Variants in PRKAG2 observed in about 807,000 individuals in gnomAD.
PRKAG2 encodes the protein 5'-AMP-activated protein kinase subunit gamma-2.
PRKAG2 carries 26 observed loss-of-function variants against 69.6 expected under a neutral mutation model. That is an observed-to-expected ratio of 0.37 (90% CI 0.27 to 0.52). PRKAG2 has a LOEUF of 0.52. Ranked by LOEUF, PRKAG2 falls within the 20% of genes least tolerant of loss-of-function variation. The pLI is 0.90. For missense variants in PRKAG2, 557 were observed against 740.0 expected (o/e 0.75, Z 2.87); for synonymous variants, 293 against 285.0 (o/e 1.03, Z -0.28).
chr7:151,735,646 C>T (rs531270973), intron 3 of PRKAG2, among the ~76,000 whole-genome samples: 1 of 152,354 alleles, frequency 6.6e-6, no homozygotes, highest in East Asian at 1.9e-4. Context: ...CAATCCATCA[C>T]TAGCCTCCCT....
At chr7:151,838,326 C>T (rs1041580435) in intron 1 of PRKAG2, among the ~76,000 whole-genome samples, 1 of 152,022 alleles carries the variant, frequency 6.6e-6, no homozygotes, top group Non-Finnish European at 1.5e-5. Context: ...AGGCTCGGCC[C>T]CACAGCCTTG....
At chr7:151,797,371 C>T (rs556115741) in intron 1 of PRKAG2, among the ~76,000 whole-genome samples, 5 of 152,172 alleles carry the variant, frequency 3.3e-5, no homozygotes, top group South Asian at 4.2e-4. Flanking sequence ...TGTAAGGTCA[C>T]CGAGTTGCTG....
intron 1 of PRKAG2, among the ~76,000 whole-genome samples, chr7:151,870,152 G>GGC (rs1563769186): frequency 4.0e-4 from 48 of 120,752 alleles, no homozygotes; most frequent in African/African-American, 1.1e-3. Context: ...TAGATAGATA[G>GGC]ATAGGCAGGC....
intron 4 of PRKAG2, among the ~76,000 whole-genome samples, chr7:151,644,097 G>T (rs113492502): frequency 6.6e-6 from 1 of 152,110 alleles, no homozygotes; most frequent in African/African-American, 2.4e-5. Flanking sequence ...GCGGAAGCGG[G>T]GCAAGGGATA....
At chr7:151,561,932 T>TAA (rs59146140) in intron 14 of PRKAG2, among the ~76,000 whole-genome samples, 36 of 81,780 alleles carry the variant, frequency 4.4e-4, no homozygotes, top group East Asian at 2.9e-3. Flanking sequence ...GACTGTGTCT[T>TAA]AAAAAAAAAA....
chr7:151,561,564 C>T (rs972806776), intron 14 of PRKAG2, among the ~76,000 whole-genome samples: 4 of 152,238 alleles, frequency 2.6e-5, no homozygotes, highest in African/African-American at 7.2e-5. Flanking sequence ...TGATGAGTGA[C>T]GGCAGAGCGT....
At chr7:151,681,585 T>A (rs983592244) in intron 3 of PRKAG2, among the ~76,000 whole-genome samples, 8 of 151,644 alleles carry the variant, frequency 5.3e-5, no homozygotes, top group African/African-American at 1.9e-4. Flanking sequence ...CATCAACACT[T>A]TTTTTTTGTT....
chr7:151,757,398 C>T (rs923846827), intron 3 of PRKAG2, among the ~76,000 whole-genome samples: 1 of 152,176 alleles, frequency 6.6e-6, no homozygotes, highest in Non-Finnish European at 1.5e-5. Context: ...TTTCAAACAG[C>T]TCCCAGCACA....
intron 1 of PRKAG2, among the ~76,000 whole-genome samples, chr7:151,853,082 T>A (rs1230380876): frequency 6.6e-6 from 1 of 152,174 alleles, no homozygotes; most frequent in African/African-American, 2.4e-5. Context: ...CTAAGTCACT[T>A]TTTACTGTGT....
At chr7:151,684,187 C>G (rs1157193431) in intron 3 of PRKAG2, among the ~76,000 whole-genome samples, 1 of 152,172 alleles carries the variant, frequency 6.6e-6, no homozygotes, top group Non-Finnish European at 1.5e-5. Context: ...ATGCCTCCAG[C>G]AACTCCTCTT....
At chr7:151,631,886 G>A (rs552701997) in intron 5 of PRKAG2, 183 bp downstream of exon 5, 2 of 523,016 alleles carry the variant, frequency 3.8e-6, no homozygotes, top group Non-Finnish European at 3.0e-6. Flanking sequence ...CCGGTACCCC[G>A]CAGCCCGAGC....
chr7:151,786,361 A>G lies in PRKAG2; in HGVS notation c.186+109T>C, dbSNP rs77505659. The G allele has an allele frequency of 8.2e-3, 8,900 of 1,091,516 alleles. 449 individuals are homozygous for G. In the African/African-American group the frequency reaches 0.11, roughly 14 times the overall value. The allele number at this position is 1,091,516 out of a possible 1,614,324, so 67.6% of individuals were successfully genotyped here. A position where few individuals can be genotyped will look rare whatever the true frequency, so the allele number is the denominator to read the frequency against. ...GTTACGGCCAGGTGTGCAAGCGGACATGCGGGTGGGCGTGAGGGTGAACAC... is the reference window on the plus strand; with the variant it reads ...GTTACGGCCAGGTGTGCAAGCGGACGTGCGGGTGGGCGTGAGGGTGAACAC... On this transcript the variant is annotated intron_variant, in intron 2 of 15. Transcript: ENST00000287878.
intron 9 of PRKAG2, among the ~76,000 whole-genome samples, chr7:151,571,152 A>C (rs921870819): frequency 1.1e-4 from 16 of 150,488 alleles, no homozygotes; most frequent in African/African-American, 3.7e-4. Flanking sequence ...GCTCACTGCA[A>C]CCTCTGCCTC....
chr7:151,564,175 T>C lies in PRKAG2; in HGVS notation c.1487A>G (p.Gln496Arg). 1 of 1,614,214 alleles carries C rather than the reference T, an allele frequency of 6.2e-7. No individual in the cohort carries two copies. Among genetic ancestry groups the C allele is most frequent in the Non-Finnish European group, 8.5e-7 (1 of 1,180,026 alleles). ...TYNNLDITVT[Q>R]ALQHRSQYFE... ...ATACTGTGAACGGTGCTGAAGGGCC[T>C]GGGTCACCGTGATATCTAGGTTATT... The change falls in exon 14 of 16, where the codon CAG becomes CGG. Residue 496 changes from glutamine (Q) to arginine (R), a missense_variant. Around this residue, in one of 2 missense-constraint regions of PRKAG2, gnomAD observed 205 missense variants for 383.4 expected, o/e 0.53. Transcript: ENST00000287878.
intron 3 of PRKAG2, among the ~76,000 whole-genome samples, chr7:151,761,666 G>A (rs994017428): frequency 6.6e-6 from 1 of 152,204 alleles, no homozygotes; most frequent in African/African-American, 2.4e-5. Context: ...TGTCCTGCAT[G>A]GCATGACCGG....
intron 15 of PRKAG2, chr7:151,558,170 A>T (rs1382614020): frequency 1.3e-5 from 13 of 985,334 alleles, no homozygotes; most frequent in Middle Eastern, 5.2e-4. Flanking sequence ...TTTGACAATG[A>T]ACTGTTGCTA....
chr7:151,778,832 C>T (rs2151798920), intron 3 of PRKAG2, among the ~76,000 whole-genome samples: 1 of 152,346 alleles, frequency 6.6e-6, no homozygotes, highest in East Asian at 1.9e-4. Context: ...CACCCATCCA[C>T]TCCTAATTCT....
intron 4 of PRKAG2, among the ~76,000 whole-genome samples, chr7:151,650,833 T>C (rs1356570439): frequency 6.6e-6 from 1 of 152,158 alleles, no homozygotes; most frequent in Non-Finnish European, 1.5e-5. Flanking sequence ...AGCTCTTGAG[T>C]ATGTGTCTTT....
chr7:151,758,553 G>A (rs1193548990), intron 3 of PRKAG2, among the ~76,000 whole-genome samples: 1 of 152,220 alleles, frequency 6.6e-6, no homozygotes, highest in Admixed American at 6.5e-5. Context: ...GGAGCCCACA[G>A]AAAGGAAAAC....
Sources: gnomAD v4.1 joint callset for allele counts (sites outside exome capture counted in the v4.1 genomes callset) on GRCh38, gnomAD v4.1.1 for gene constraint, gnomAD v4.1.1 regional missense constraint, MANE v1.5 for transcripts, NCBI Gene and HGNC (gene_info 2026-07-23, HGNC 2026-07-21) for gene names.